The following ELL2 variants were observed in gnomAD, a reference collection of about 807,000 sequenced individuals.
ELL2 encodes elongation factor for RNA polymerase II 2, also known as RNA polymerase II elongation factor ELL2.
ELL2 carries 21 observed loss-of-function variants against 72.8 expected under a neutral mutation model. That is an observed-to-expected ratio of 0.29 (90% CI 0.20 to 0.42). ELL2 has a LOEUF of 0.42. ELL2 is among the 10% of genes least tolerant of loss of function. The probability of loss-of-function intolerance (pLI) is 1.00; values close to 1 mark genes in which losing one functional copy is unlikely to be tolerated. For missense variants in ELL2, 568 were observed against 772.8 expected, an observed-to-expected ratio of 0.73 and a Z score of 3.14; for synonymous variants, 266 against 283.2, an observed-to-expected ratio of 0.94 and a Z score of 0.61.
chr5:95,896,868 T>A (rs2112273777), intron 8 of ELL2, among the ~76,000 whole-genome samples: 1 of 151,494 alleles, frequency 6.6e-6, no homozygotes, highest in African/African-American at 2.4e-5. Context: ...CATACTGAAA[T>A]CCAGTTTTCC....
Position 95,912,065 on chromosome 5 carries a change from A to G in ELL2, c.481+1706T>C, listed in dbSNP as rs1022055513. ...TGTGGTCACCTCCAAAATGTATGTA[A>G]ATTATTTGTAGTATCTATAAGAAAC... On this transcript the variant is annotated intron_variant, in intron 4 of 11. Transcript: ENST00000237853. 1.3e-5 allele frequency among the ~76,000 whole-genome samples: 2 copies of G among 152,188 alleles called. 1 individual carries two copies. The highest frequency in any genetic ancestry group is 4.8e-5 in the African/African-American group (2 of 41,458).
At chr5:95,907,296 A>ATATATATATATATATATATATTTTTT in intron 4 of ELL2, among the ~76,000 whole-genome samples, 1 of 116,522 alleles carries the variant, frequency 8.6e-6, no homozygotes, top group African/African-American at 4.1e-5. Context: ...ATATATATAT[A>ATATATATATATATATATATATTTTTT]TTTTTTTTTT....
chr5:95,922,743 TA>T (rs1313298734), intron 2 of ELL2, among the ~76,000 whole-genome samples: 1 of 151,992 alleles, frequency 6.6e-6, no homozygotes, highest in Non-Finnish European at 1.5e-5. Flanking sequence ...GTCTCTTCAG[TA>T]GGAAAAAAGC....
intron 2 of ELL2, among the ~76,000 whole-genome samples, chr5:95,939,897 C>T (rs900408176): frequency 2.0e-5 from 3 of 152,100 alleles, no homozygotes; most frequent in Admixed American, 6.6e-5. Flanking sequence ...GTGAACGTAC[C>T]GGCTACCATT....
At position 95,904,223 on chromosome 5, in the gene ELL2, A is replaced by G. The variant is rs562427928; in HGVS notation, c.741+2300T>C. Among the ~76,000 whole-genome samples the G allele has an allele frequency of 2.6e-4, 39 of 152,230 alleles. 1 individual carries two copies. In the South Asian group the frequency reaches 7.7e-3, roughly 30 times the overall value. ...TAAGCTCCATGAGGGCAGGGTTTCTATTGGGGTTACTTTGGGATTCCAGCA... is the reference window on the plus strand; with the variant it reads ...TAAGCTCCATGAGGGCAGGGTTTCTGTTGGGGTTACTTTGGGATTCCAGCA... On this transcript the variant is annotated intron_variant, in intron 5 of 11. Coordinates refer to ENST00000237853, the MANE Select transcript of ELL2 (RefSeq NM_012081.6).
rs1256444221 is a variant in ELL2, at chr5:95,895,654, T to C, written c.1563A>G (p.Ser521=). 6.2e-7 allele frequency: 1 copy of C among 1,614,020 alleles called. No individual in the cohort carries two copies. The highest frequency in any genetic ancestry group is 8.5e-7 in the Non-Finnish European group (1 of 1,180,032). ...KEDCTASMEP[S]AIELPDYLIK... ...TCAAATAATCTGGGAGTTCAATTGC[T>C]GAAGGTTCCATGGAGGCAGTGCAAT... The change falls in exon 9 of 12, where the codon TCA becomes TCG. Residue 521 remains serine (S), a synonymous_variant. Transcript: ENST00000237853.
chr5:95,920,987 T>C (rs977650499), intron 2 of ELL2, among the ~76,000 whole-genome samples: 1 of 152,200 alleles, frequency 6.6e-6, no homozygotes, highest in African/African-American at 2.4e-5. Context: ...GGCAAAGGCA[T>C]GTATGATTCC....
intron 2 of ELL2, among the ~76,000 whole-genome samples, chr5:95,931,543 A>G (rs1259530764): frequency 6.6e-6 from 1 of 152,170 alleles, no homozygotes; most frequent in South Asian, 2.1e-4. Context: ...TTAGAGAAAA[A>G]TAAGGGGCTA....
At chr5:95,921,442 T>C (rs966244399) in intron 2 of ELL2, among the ~76,000 whole-genome samples, 3 of 152,218 alleles carry the variant, frequency 2.0e-5, no homozygotes, top group Non-Finnish European at 4.4e-5. Flanking sequence ...TAAATATCTT[T>C]TGAGGGCCCT....
intron 1 of ELL2, among the ~76,000 whole-genome samples, chr5:95,947,042 G>GT: frequency 6.6e-6 from 1 of 152,168 alleles, no homozygotes. Context: ...TTGGAACTAT[G>GT]TAACTATGAG....
At position 95,887,914 on chromosome 5, in the gene ELL2, T is replaced by C. The variant is rs1209299552; in HGVS notation, c.*957A>G. On this transcript the variant is annotated 3_prime_UTR_variant, in exon 12 of 12. Coordinates refer to ENST00000237853, the MANE Select transcript of ELL2 (RefSeq NM_012081.6). ...AATTTTTGCCCAACATTAATAAAGC[T>C]GACAAACTCGTTGAAATGGAAATGC... 6.6e-6 allele frequency: 1 copy of C among 152,440 alleles called. No individual in the cohort carries two copies. The highest frequency in any genetic ancestry group is 2.4e-5 in the African/African-American group (1 of 41,436). 9.4% of individuals were successfully genotyped at this position (152,440 alleles called of 1,614,324 possible). A position where few individuals can be genotyped will look rare whatever the true frequency, so the allele number is the denominator to read the frequency against.
intron 2 of ELL2, among the ~76,000 whole-genome samples, chr5:95,929,921 T>A (rs1750536771): frequency 6.6e-6 from 1 of 152,310 alleles, no homozygotes; most frequent in Admixed American, 6.5e-5. Flanking sequence ...CTTCCTGGGT[T>A]TGTGGGACTT....
intron 2 of ELL2, among the ~76,000 whole-genome samples, chr5:95,920,217 T>C (rs1749996430): frequency 6.6e-6 from 1 of 152,032 alleles, no homozygotes; most frequent in African/African-American, 2.4e-5. Flanking sequence ...CAGGAAACAC[T>C]GTGGAACAGG....
rs535481792 is a variant in ELL2 at position 95,888,426 on chromosome 5, G to A, written c.*445C>T. The A allele has an allele frequency of 6.6e-6, 1 of 152,574 alleles. No homozygotes were observed. The highest frequency in any genetic ancestry group is 2.4e-5 in the African/African-American group (1 of 41,516). 9.5% of individuals were successfully genotyped at this position (152,574 alleles called of 1,614,324 possible). A position where few individuals can be genotyped will look rare whatever the true frequency, so the allele number is the denominator to read the frequency against. On this transcript the variant is annotated 3_prime_UTR_variant, in exon 12 of 12. Coordinates refer to ENST00000237853, the MANE Select transcript of ELL2 (RefSeq NM_012081.6). ...TTCTACCATTTAAGGCAAAGAGTTT[G>A]CATTAAGAAACGTCAGAAAATAGGC...
intron 9 of ELL2, among the ~76,000 whole-genome samples, 171 bp downstream of exon 9, chr5:95,895,457 A>C (rs1393416215): frequency 6.6e-6 from 1 of 152,216 alleles, no homozygotes; most frequent in Non-Finnish European, 1.5e-5. Flanking sequence ...TCATGCAGAC[A>C]AGGGTAGATT....
intron 1 of ELL2, 123 bp downstream of exon 1, chr5:95,961,452 G>T: frequency 8.1e-7 from 1 of 1,227,004 alleles, no homozygotes; most frequent in Non-Finnish European, 1.0e-6. Context: ...CTGCCTGGCC[G>T]CTGCGGGCGC....
Position 95,961,758 on chromosome 5 carries a change from C to T in ELL2, c.-37G>A. The T allele has an allele frequency of 6.4e-7, 1 of 1,563,928 alleles. No individual in the cohort carries two copies. The highest frequency in any genetic ancestry group is 8.6e-7 in the Non-Finnish European group (1 of 1,158,242). ...CGGGGTGCCGCCGCCGCCGCCGCTC[C>T]GGCTCTAGCCTCCACTGCGGCCGCG... On this transcript the variant is annotated 5_prime_UTR_variant, in exon 1 of 12. Transcript: ENST00000237853.
intron 4 of ELL2, 21 bp downstream of exon 4, chr5:95,913,750 A>C (rs770144595): frequency 9.6e-6 from 15 of 1,565,212 alleles, no homozygotes; most frequent in Admixed American, 1.9e-5. Context: ...CAGCAAGAGG[A>C]AGAAAGATAT....
intron 5 of ELL2, among the ~76,000 whole-genome samples, chr5:95,904,059 TAG>T (rs1749253905): frequency 6.6e-6 from 1 of 152,200 alleles, no homozygotes; most frequent in African/African-American, 2.4e-5. Context: ...ATTCTTGCCG[TAG>T]AAGTCTTAAA....
Sources: allele counts gnomAD v4.1 joint callset (sites outside exome capture counted in the v4.1 genomes callset), GRCh38; gene constraint gnomAD v4.1.1; transcripts MANE v1.5; gene names NCBI Gene and HGNC (gene_info 2026-07-23, HGNC 2026-07-21).